The following SNX29 variants were observed in gnomAD, a reference collection of about 807,000 sequenced individuals.
SNX29 encodes the protein sorting nexin-29.
In SNX29, 78 loss-of-function variants were observed where a neutral mutation model predicts 102.1. The observed-to-expected ratio is 0.76, with a 90% confidence interval of 0.64 to 0.92. The LOEUF is 0.92. Ranked by LOEUF, SNX29 falls within the 40% of genes least tolerant of loss-of-function variation. The pLI, the probability that SNX29 is intolerant of heterozygous loss-of-function variation, is 0.00. For synonymous variants in SNX29, 580 were observed against 414.5 expected, an observed-to-expected ratio of 1.40 and a Z score of -4.85; for missense variants, 1,280 against 1,061.7, an observed-to-expected ratio of 1.21 and a Z score of -2.86.
At position 12,294,099 on chromosome 16, in the gene SNX29, T is replaced by C. The variant is rs9939900; in HGVS notation, c.1782+16063T>C. Among the ~76,000 whole-genome samples, 884 of 152,354 alleles carry C rather than the reference T, an allele frequency of 5.8e-3. 7 individuals are homozygous for C. Among genetic ancestry groups the C allele is most frequent in the African/African-American group, 0.02 (839 of 41,592 alleles). On this transcript the variant is annotated intron_variant, in intron 15 of 20. Transcript: ENST00000566228. ...CCAGGAGATGACGGTCAGTCCCCACTGCTGGTCAGAATGTGAGAATCGAAA... is the reference window on the plus strand; with the variant it reads ...CCAGGAGATGACGGTCAGTCCCCACCGCTGGTCAGAATGTGAGAATCGAAA...
intron 19 of SNX29, among the ~76,000 whole-genome samples, chr16:12,483,114 G>GTTTT (rs574090459): frequency 0.02 from 1,353 of 66,136 alleles, 221 homozygotes; most frequent in East Asian, 0.039. Flanking sequence ...AAGTTATTAA[G>GTTTT]TTTTTTTTTT....
At chr16:12,185,304 A>G (rs2076483889) in intron 13 of SNX29, among the ~76,000 whole-genome samples, 1 of 152,170 alleles carries the variant, frequency 6.6e-6, no homozygotes, top group Admixed American at 6.5e-5. Flanking sequence ...AAGGGGCATC[A>G]AGTCCTTAGT....
At chr16:12,425,855 G>C (rs542908204) in intron 18 of SNX29, among the ~76,000 whole-genome samples, 2 of 152,062 alleles carry the variant, frequency 1.3e-5, no homozygotes, top group African/African-American at 2.4e-5. Flanking sequence ...CTACCCTTGG[G>C]CACTGTTGAC....
chr16:12,326,329 CTT>C (rs35321885), intron 15 of SNX29, among the ~76,000 whole-genome samples: 8,548 of 141,630 alleles, frequency 0.06, 565 homozygotes, highest in African/African-American at 0.16. Flanking sequence ...GCTTTTTTGT[CTT>C]TTTTTTTTTT....
intron 17 of SNX29, among the ~76,000 whole-genome samples, chr16:12,402,295 T>G (rs962544304): frequency 1.3e-5 from 2 of 152,224 alleles, no homozygotes; most frequent in Admixed American, 1.3e-4. Context: ...TGAAATGGTC[T>G]TTACTCTAGA....
At chr16:12,252,981 G>A (rs2078466033) in intron 14 of SNX29, among the ~76,000 whole-genome samples, 1 of 152,212 alleles carries the variant, frequency 6.6e-6, no homozygotes, top group African/African-American at 2.4e-5. Flanking sequence ...GAGTGGGGGA[G>A]GGTTCTTGCG....
chr16:12,557,944 C>A (rs185747424), intron 20 of SNX29, among the ~76,000 whole-genome samples: 1 of 152,088 alleles, frequency 6.6e-6, no homozygotes, highest in Non-Finnish European at 1.5e-5. Flanking sequence ...TTTCATTCAC[C>A]GCTTGCCCTG....
At chr16:12,137,438 G>A (rs577550110) in intron 13 of SNX29, among the ~76,000 whole-genome samples, 11 of 152,302 alleles carry the variant, frequency 7.2e-5, no homozygotes, top group African/African-American at 2.2e-4. Flanking sequence ...CCTGCCCAGT[G>A]TGTGTCCCTT....
intron 20 of SNX29, among the ~76,000 whole-genome samples, chr16:12,548,073 T>G (rs1597908131): frequency 1.3e-5 from 2 of 152,208 alleles, no homozygotes; most frequent in Admixed American, 6.5e-5. Flanking sequence ...CGGTCAGGCA[T>G]GACATAAAAA....
At chr16:12,539,020 A>T (rs1486440967) in intron 20 of SNX29, among the ~76,000 whole-genome samples, 1 of 152,244 alleles carries the variant, frequency 6.6e-6, no homozygotes, top group Non-Finnish European at 1.5e-5. Flanking sequence ...AAAACCATCC[A>T]TGAATCCAGA....
chr16:12,076,015 C>T (rs57878638), intron 10 of SNX29, among the ~76,000 whole-genome samples: 33,155 of 152,094 alleles, frequency 0.22, 4,086 homozygotes, highest in African/African-American at 0.34. Flanking sequence ...CTAAGCCCTT[C>T]GGAAAAGCGC....
intron 11 of SNX29, among the ~76,000 whole-genome samples, chr16:12,117,632 A>AT (rs2053789075): frequency 6.6e-6 from 1 of 152,224 alleles, no homozygotes; most frequent in Admixed American, 6.5e-5. Context: ...ATGGGAAGAA[A>AT]TTGCTTAATG....
chr16:12,554,192 C>T (rs895986418), intron 20 of SNX29, among the ~76,000 whole-genome samples: 2 of 152,200 alleles, frequency 1.3e-5, no homozygotes, highest in Non-Finnish European at 2.9e-5. Flanking sequence ...CTGGCTTAAA[C>T]CATTTGAACG....
chr16:12,259,991 C>T (rs77679004), intron 14 of SNX29, among the ~76,000 whole-genome samples: 3,297 of 152,266 alleles, frequency 0.022, 120 homozygotes, highest in African/African-American at 0.076. Context: ...TGCTGATGCG[C>T]GGCCACGTTC....
intron 13 of SNX29, among the ~76,000 whole-genome samples, chr16:12,195,163 G>GT (rs2076742801): frequency 6.6e-6 from 1 of 151,916 alleles, no homozygotes; most frequent in Admixed American, 6.6e-5. Flanking sequence ...GAGTATATAT[G>GT]TGTGTGTGTG....
chr16:12,039,308 G>A (rs972315573), intron 4 of SNX29, among the ~76,000 whole-genome samples: 2 of 152,154 alleles, frequency 1.3e-5, no homozygotes, highest in Non-Finnish European at 2.9e-5. Flanking sequence ...GCACTTTTGT[G>A]TTGATTTTAT....
intron 20 of SNX29, among the ~76,000 whole-genome samples, chr16:12,529,829 C>CCTAAG (rs1323974026): frequency 1.3e-5 from 2 of 152,164 alleles, no homozygotes; most frequent in African/African-American, 4.8e-5. Context: ...GTCACTTGAA[C>CCTAAG]CTAAGCTGCT....
chr16:12,052,045 A>G lies in SNX29; in HGVS notation c.947A>G (p.Asn316Ser), dbSNP rs376027540. 1.9e-5 allele frequency: 31 copies of G among 1,613,808 alleles called. No individual in the cohort carries two copies. Among genetic ancestry groups the G allele is most frequent in the Middle Eastern group, 1.6e-4 (1 of 6,078 alleles). ...AFESPFGPNS[N>S]GSQSSNSWKI... is the part of the protein sequence containing the mutation. ...GAAAGCCCCTTCGGGCCTAACTCCA[A>G]TGGAAGTCAGAGCAGCAACTCATGG... The change falls in exon 8 of 21, where the codon AAT (asparagine) becomes AGT (serine). Residue 316 changes from asparagine (N) to serine (S), a missense_variant. Transcript: ENST00000566228.
chr16:12,531,736 T>A (rs2141177537), intron 20 of SNX29, among the ~76,000 whole-genome samples: 1 of 152,008 alleles, frequency 6.6e-6, no homozygotes, highest in African/African-American at 2.4e-5. Context: ...GCAGATGAGA[T>A]GAAAAGGAAG....
Sources: allele counts gnomAD v4.1 joint callset (sites outside exome capture counted in the v4.1 genomes callset), GRCh38; gene constraint gnomAD v4.1.1; transcripts MANE v1.5; gene names NCBI Gene and HGNC (gene_info 2026-07-23, HGNC 2026-07-21).